FREM2: variants seen among roughly 807,000 people sequenced by gnomAD.
FREM2 encodes the protein FRAS1 related extracellular matrix 2.
Under a neutral mutation model 219.9 loss-of-function variants are expected in FREM2, and 119 were observed. The ratio of observed to expected loss-of-function variants is 0.54; its 90% confidence interval spans 0.47 to 0.63. The LOEUF is 0.63. Among genes scored for constraint, FREM2 ranks in the 30% least tolerant of loss-of-function variants. The probability of loss-of-function intolerance (pLI) is 0.00; values close to 1 mark genes in which losing one functional copy is unlikely to be tolerated. For synonymous variants in FREM2, 1,562 were observed against 1,522.8 expected, an observed-to-expected ratio of 1.03 and a Z score of -0.60; for missense variants, 4,030 against 3,993.6, an observed-to-expected ratio of 1.01 and a Z score of -0.25.
In FREM2 at chr13:38,885,607, T is replaced by C. The variant is rs140082262; in HGVS notation, c.*4820T>C. ...TTCAAAACCATTACCACTTTCAATA[T>C]GTAATTAACATCCTCATTCATCAGA... On this transcript the variant is annotated 3_prime_UTR_variant, in exon 24 of 24. Coordinates refer to ENST00000280481, the MANE Select transcript of FREM2 (RefSeq NM_207361.6). The C allele has an allele frequency of 6.6e-6, 1 of 152,178 alleles. No individual in the cohort carries two copies. Among genetic ancestry groups the C allele is most frequent in the Admixed American group, 6.6e-5 (1 of 15,266 alleles). 9.4% of individuals were successfully genotyped at this position (152,178 alleles called of 1,614,324 possible).
intron 3 of FREM2, among the ~76,000 whole-genome samples, chr13:38,767,223 T>A (rs1873472160): frequency 6.6e-6 from 1 of 152,234 alleles, no homozygotes; most frequent in Non-Finnish European, 1.5e-5. Context: ...ATTCTCTCCT[T>A]CCACAAACAC....
chr13:38,858,215 G>A (rs575772795), intron 13 of FREM2, among the ~76,000 whole-genome samples, 182 bp downstream of exon 13: 25 of 152,150 alleles, frequency 1.6e-4, no homozygotes, highest in African/African-American at 4.8e-4. Flanking sequence ...TTTCTTCACC[G>A]AACAAAGGTT....
Position 38,857,921 on chromosome 13 carries a change from A to G in FREM2, c.7103A>G (p.Asp2368Gly), listed in dbSNP as rs760834204. The change falls in exon 13 of 24, where the codon GAT becomes GGT. Residue 2368 changes from aspartate (D) to glycine (G), a missense_variant. By Grantham distance (94) the Asp-to-Gly change is moderately conservative. Transcript: ENST00000280481. ...ATAGAAGAAATGAGCAGCATGGCAG[A>G]TGTCACTTTTCCTTCTGTCCCTCAA... ...VYIEEMSSMA[D>G]VTFPSVPQIV... 3 of 1,613,686 alleles carry G rather than the reference A, an allele frequency of 1.9e-6. No individual in the cohort carries two copies. The highest frequency in any genetic ancestry group is 1.3e-5 in the African/African-American group (1 of 74,942).
At chr13:38,716,091 T>TGA (rs1214165051) in intron 2 of FREM2, among the ~76,000 whole-genome samples, 4 of 152,174 alleles carry the variant, frequency 2.6e-5, no homozygotes, top group African/African-American at 7.2e-5. Flanking sequence ...TAGGGAGATA[T>TGA]GACTCTTCCC....
intron 8 of FREM2, 133 bp downstream of exon 8, chr13:38,848,803 CG>C (rs1381998365): frequency 8.6e-6 from 7 of 813,648 alleles, no homozygotes; most frequent in Non-Finnish European, 1.3e-5. Context: ...GTAGCACTGT[CG>C]GGGTGGCTTA....
At chr13:38,696,967 C>G (rs1870135433) in intron 1 of FREM2, among the ~76,000 whole-genome samples, 1 of 151,920 alleles carries the variant, frequency 6.6e-6, no homozygotes, top group Non-Finnish European at 1.5e-5. Flanking sequence ...ACCACCACAC[C>G]CAGCCAATTT....
Position 38,882,417 on chromosome 13 carries a change from A to G in FREM2, c.*1630A>G, listed in dbSNP as rs1878580237. Reference sequence around the variant, plus strand: ...ACATCTTAATTTGGTGTCTGTAAGTATCAACCATTTCTTGATCAAGATAAG... The same window carrying G: ...ACATCTTAATTTGGTGTCTGTAAGTGTCAACCATTTCTTGATCAAGATAAG... On this transcript the variant is annotated 3_prime_UTR_variant, in exon 24 of 24. Coordinates refer to ENST00000280481, the MANE Select transcript of FREM2 (RefSeq NM_207361.6). 6.6e-6 allele frequency: 1 copy of G among 152,188 alleles called. No individual in the cohort carries two copies. The highest frequency in any genetic ancestry group is 2.4e-5 in the African/African-American group (1 of 41,438). 9.4% of individuals were successfully genotyped at this position (152,188 alleles called of 1,614,324 possible).
intron 6 of FREM2, among the ~76,000 whole-genome samples, chr13:38,794,189 G>C (rs1346276733): frequency 6.6e-6 from 1 of 152,092 alleles, no homozygotes; most frequent in Non-Finnish European, 1.5e-5. Flanking sequence ...AATATGGATG[G>C]ATTTACACTA....
intron 6 of FREM2, among the ~76,000 whole-genome samples, chr13:38,841,327 G>T (rs773979109): frequency 1.3e-5 from 2 of 152,120 alleles, no homozygotes; most frequent in Admixed American, 6.5e-5. Flanking sequence ...CTGTGTGGAG[G>T]CAAGGGGCAT....
At chr13:38,777,911 G>A (rs1459837881) in intron 4 of FREM2, among the ~76,000 whole-genome samples, 1 of 152,156 alleles carries the variant, frequency 6.6e-6, no homozygotes, top group Non-Finnish European at 1.5e-5. Context: ...TTGACTGTAG[G>A]AGTGAATTCC....
chr13:38,861,289 T>C, intron 14 of FREM2, 142 bp from the exon 15 acceptor site: 1 of 782,162 alleles, frequency 1.3e-6, no homozygotes, highest in South Asian at 1.6e-5. Context: ...CCTTATCACG[T>C]GATGTACACT....
Position 38,759,451 on chromosome 13 carries a change from A to G in FREM2, c.5264-4853A>G, listed in dbSNP as rs543044938. ...GGAGTTTGGTATTCTTTGTTATTCT[A>G]AAAAAAAAAAAAAACGACTGAGTTT... On this transcript the variant is annotated intron_variant, in intron 2 of 23. Coordinates refer to ENST00000280481, the MANE Select transcript of FREM2 (RefSeq NM_207361.6). Among the ~76,000 whole-genome samples the G allele has an allele frequency of 1.7e-3, 185 of 108,376 alleles. 1 individual carries two copies. Among genetic ancestry groups the G allele is most frequent in the African/African-American group, 5.2e-3 (163 of 31,474 alleles). 71.1% of individuals were successfully genotyped at this position (108,376 alleles called of 152,430 possible). A position where few individuals can be genotyped will look rare whatever the true frequency, so the allele number is the denominator to read the frequency against.
At chr13:38,738,574 A>AT (rs1872099908) in intron 2 of FREM2, among the ~76,000 whole-genome samples, 1 of 149,676 alleles carries the variant, frequency 6.7e-6, no homozygotes, top group African/African-American at 2.5e-5. Flanking sequence ...TCAAAAAAAA[A>AT]AAAAAAAAAA....
At position 38,769,613 on chromosome 13, in the gene FREM2, A is replaced by G. The variant is rs1180879113; in HGVS notation, c.5446A>G (p.Lys1816Glu). ...AAGAGACAGAACTGCAGAAAAAGAC[A>G]AAGACTTCAAGGGCAAAGCACAGAA... ...GTRDRTAEKD[K>E]DFKGKAQKQV... is the part of the protein sequence containing the mutation. Residue 1816 changes from lysine (K) to glutamate (E), a missense_variant, in exon 4 of 24, where the codon AAA (lysine) becomes GAA (glutamate). Lys to Glu is a moderately conservative substitution (Grantham distance 56). Transcript: ENST00000280481. 2 of 1,614,052 alleles carry G rather than the reference A, an allele frequency of 1.2e-6. No homozygotes were observed. Among genetic ancestry groups the G allele is most frequent in the African/African-American group, 1.3e-5 (1 of 74,950 alleles).
In FREM2 at chr13:38,687,407, A is replaced by G; in HGVS notation, c.63A>G (p.Gln21=). The G allele has an allele frequency of 6.2e-7, 1 of 1,607,866 alleles. No individual in the cohort carries two copies. The highest frequency in any genetic ancestry group is 8.5e-7 in the Non-Finnish European group (1 of 1,177,738). ...GGACAGGCAACTCCACCAGCTTTCA[A>G]CCAGGACCGCCACCGCCGCCCCGGC... ...SRRTGNSTSF[Q]PGPPPPPRLL... The change falls in exon 1 of 24, where the codon CAA becomes CAG. Residue 21 remains glutamine (Q), a synonymous_variant. Coordinates refer to ENST00000280481, the MANE Select transcript of FREM2 (RefSeq NM_207361.6).
At chr13:38,769,852 G>A in intron 4 of FREM2, 44 bp downstream of exon 4, 1 of 1,451,054 alleles carries the variant, frequency 6.9e-7, no homozygotes, top group Non-Finnish European at 9.7e-7. Context: ...CTGTTGGGCT[G>A]CTATGACAAA....
At position 38,797,883 on chromosome 13, in the gene FREM2, T is replaced by C. The variant is rs185679805; in HGVS notation, c.6019+13075T>C. 3.3e-3 allele frequency among the ~76,000 whole-genome samples: 499 copies of C among 152,126 alleles called. 1 individual carries two copies. The highest frequency in any genetic ancestry group is 5.8e-3 in the Non-Finnish European group (393 of 67,896). The stretch of plus-strand genomic sequence containing the variant: ...CAATTTAGCCAGCAACATTAGTCTT[T>C]GGGTTTTCTAGATATAAAATAATGT... On this transcript the variant is annotated intron_variant, in intron 6 of 23. Transcript: ENST00000280481.
intron 2 of FREM2, among the ~76,000 whole-genome samples, chr13:38,714,402 A>T (rs957094655): frequency 2.0e-5 from 3 of 152,246 alleles, no homozygotes; most frequent in Admixed American, 2.0e-4. Flanking sequence ...ATTCAATTGT[A>T]TCCTGTCACA....
rs1874937539 is a variant in FREM2 at position 38,799,735 on chromosome 13, T to C, written c.6019+14927T>C. 1.3e-5 allele frequency among the ~76,000 whole-genome samples: 2 copies of C among 152,044 alleles called. 1 individual carries two copies. Among genetic ancestry groups the C allele is most frequent in the South Asian group, 4.1e-4 (2 of 4,830 alleles). On this transcript the variant is annotated intron_variant, in intron 6 of 23. Coordinates refer to ENST00000280481, the MANE Select transcript of FREM2 (RefSeq NM_207361.6). ...TATAGTGACCTTCTTTCTCTTTCTTTCTTTCTTACTGTTTTTGACTTAAAG... is the reference window on the plus strand; with the variant it reads ...TATAGTGACCTTCTTTCTCTTTCTTCCTTTCTTACTGTTTTTGACTTAAAG...
Sources: gnomAD v4.1 joint callset for allele counts (sites outside exome capture counted in the v4.1 genomes callset) on GRCh38, gnomAD v4.1.1 for gene constraint, MANE v1.5 for transcripts, NCBI Gene and HGNC (gene_info 2026-07-23, HGNC 2026-07-21) for gene names.